The following GABRG3 variants were observed in gnomAD, a reference collection of about 807,000 sequenced individuals.
GABRG3 encodes the protein gamma-aminobutyric acid receptor subunit gamma-3.
A neutral mutation model predicts 48.8 loss-of-function variants in GABRG3; 25 were observed. The ratio of observed to expected loss-of-function variants is 0.51; its 90% confidence interval spans 0.37 to 0.72. The LOEUF is 0.72. Ranked by LOEUF, GABRG3 falls within the 30% of genes least tolerant of loss-of-function variation. GABRG3 has a pLI of 0.00. For synonymous variants in GABRG3, 227 were observed against 217.6 expected (o/e 1.04, Z -0.38); for missense variants, 394 against 577.9 (o/e 0.68, Z 3.26).
chr15:27,423,217 C>CA (rs112058241), intron 5 of GABRG3, among the ~76,000 whole-genome samples: 669 of 16,476 alleles, frequency 0.041, 3 homozygotes, highest in East Asian at 0.073. Flanking sequence ...CCCAGGTATA[C>CA]AAAAAAAAAA....
intron 5 of GABRG3, among the ~76,000 whole-genome samples, chr15:27,361,539 G>A (rs1049154770): frequency 6.6e-6 from 1 of 152,142 alleles, no homozygotes; most frequent in African/African-American, 2.4e-5. Context: ...ACCACCAGAG[G>A]AGTAAGATGG....
intron 3 of GABRG3, among the ~76,000 whole-genome samples, chr15:27,225,864 G>C (rs1358848582): frequency 6.6e-6 from 1 of 152,104 alleles, no homozygotes; most frequent in Non-Finnish European, 1.5e-5. Context: ...CCTAAGAACA[G>C]ACTCCACATG....
chr15:27,036,055 G>A (rs1896172207), intron 3 of GABRG3, among the ~76,000 whole-genome samples: 1 of 152,220 alleles, frequency 6.6e-6, no homozygotes, highest in African/African-American at 2.4e-5. Context: ...TGCTGAAGCA[G>A]GTAATGGGAA....
At chr15:27,504,211 T>A (rs2150855647) in intron 6 of GABRG3, among the ~76,000 whole-genome samples, 1 of 152,236 alleles carries the variant, frequency 6.6e-6, no homozygotes, top group Admixed American at 6.5e-5. Context: ...ATCCTCCTTT[T>A]TTGTTCTATT....
chr15:27,176,538 G>A (rs1887751167), intron 3 of GABRG3, among the ~76,000 whole-genome samples: 1 of 152,198 alleles, frequency 6.6e-6, no homozygotes, highest in South Asian at 2.1e-4. Context: ...ATAAGGAACT[G>A]CAAGTAAAGG....
chr15:27,355,919 A>G (rs902374802), intron 5 of GABRG3, among the ~76,000 whole-genome samples: 6 of 152,258 alleles, frequency 3.9e-5, no homozygotes, highest in Non-Finnish European at 7.3e-5. Context: ...ACAAATTCAT[A>G]GAGAAAAAAA....
chr15:27,083,171 G>T (rs1897019038), intron 3 of GABRG3, among the ~76,000 whole-genome samples: 1 of 152,120 alleles, frequency 6.6e-6, no homozygotes, highest in Non-Finnish European at 1.5e-5. Flanking sequence ...AAAAATAGAG[G>T]CAGTTTTTAT....
chr15:27,329,412 G>A (rs576245761), intron 5 of GABRG3, among the ~76,000 whole-genome samples: 13 of 152,160 alleles, frequency 8.5e-5, no homozygotes, highest in African/African-American at 3.1e-4. Context: ...CTATGGGCAC[G>A]TGCTACCACA....
intron 3 of GABRG3, among the ~76,000 whole-genome samples, chr15:27,174,611 TCTCTCTCA>T (rs775482063): frequency 3.5e-5 from 5 of 143,734 alleles, no homozygotes; most frequent in Non-Finnish European, 6.1e-5. Flanking sequence ...TCTCTCTCTC[TCTCTCTCA>T]CTCTCACATC....
At chr15:27,370,906 A>G (rs892957870) in intron 5 of GABRG3, among the ~76,000 whole-genome samples, 1 of 152,194 alleles carries the variant, frequency 6.6e-6, no homozygotes, top group Non-Finnish European at 1.5e-5. Flanking sequence ...TGACTAAGCT[A>G]TGATTTAAAT....
intron 3 of GABRG3, among the ~76,000 whole-genome samples, chr15:27,146,913 A>G (rs1049430593): frequency 2.6e-5 from 4 of 152,142 alleles, no homozygotes; most frequent in Admixed American, 2.6e-4. Context: ...AAATAGCAAA[A>G]TGCAGATATA....
At chr15:27,375,876 A>G (rs1330282309) in intron 5 of GABRG3, among the ~76,000 whole-genome samples, 5 of 152,154 alleles carry the variant, frequency 3.3e-5, no homozygotes, top group Admixed American at 2.6e-4. Context: ...AAAATCAATC[A>G]TGCCTTCCCA....
intron 3 of GABRG3, among the ~76,000 whole-genome samples, chr15:27,064,008 T>C (rs571785836): frequency 2.6e-5 from 4 of 152,176 alleles, no homozygotes; most frequent in Non-Finnish European, 5.9e-5. Flanking sequence ...GTCAGAGAAA[T>C]GATCAACCAA....
chr15:27,443,144 A>C (rs1416831389), intron 5 of GABRG3, among the ~76,000 whole-genome samples: 3 of 152,238 alleles, frequency 2.0e-5, no homozygotes, highest in Admixed American at 6.5e-5. Context: ...GCCCTAATCC[A>C]ATAAAACTGG....
At chr15:27,505,465 T>C (rs1409413017) in intron 6 of GABRG3, among the ~76,000 whole-genome samples, 1 of 152,210 alleles carries the variant, frequency 6.6e-6, no homozygotes, top group Non-Finnish European at 1.5e-5. Context: ...TATTGGTTAA[T>C]GATGTTCCTT....
At chr15:27,340,225 T>A (rs1311262226) in intron 5 of GABRG3, among the ~76,000 whole-genome samples, 3 of 152,130 alleles carry the variant, frequency 2.0e-5, no homozygotes, top group South Asian at 2.1e-4. Context: ...TGTGGCTACA[T>A]GGGCAGGAGC....
At chr15:27,349,170 T>C (rs1474208766) in intron 5 of GABRG3, among the ~76,000 whole-genome samples, 1 of 152,144 alleles carries the variant, frequency 6.6e-6, no homozygotes, top group Non-Finnish European at 1.5e-5. Context: ...AATAAGTTGC[T>C]AATGACCAAA....
At chr15:27,102,024 G>T (rs1383276312) in intron 3 of GABRG3, among the ~76,000 whole-genome samples, 2 of 152,048 alleles carry the variant, frequency 1.3e-5, no homozygotes, top group African/African-American at 4.8e-5. Context: ...AACTAAAAAT[G>T]AAATATAAAA....
intron 3 of GABRG3, among the ~76,000 whole-genome samples, chr15:27,115,355 C>T (rs574616598): frequency 3.3e-5 from 5 of 152,282 alleles, no homozygotes; most frequent in African/African-American, 9.6e-5. Context: ...TCTGAGATCA[C>T]GAACCACTGA....
Sources: allele counts gnomAD v4.1 joint callset (sites outside exome capture counted in the v4.1 genomes callset), GRCh38; gene constraint gnomAD v4.1.1; transcripts MANE v1.5; gene names NCBI Gene and HGNC (gene_info 2026-07-23, HGNC 2026-07-21).